Variants in SSH2 observed in about 807,000 individuals in gnomAD.
SSH2 encodes the protein protein phosphatase Slingshot homolog 2.
In SSH2, 37 loss-of-function variants were observed where a neutral mutation model predicts 135.2. The ratio of observed to expected loss-of-function variants is 0.27; its 90% CI spans 0.21 to 0.36. The LOEUF is 0.36. Ranked by LOEUF, SSH2 falls within the 10% of genes least tolerant of loss-of-function variation. SSH2 has a pLI of 1.00. For missense variants in SSH2, 1,408 were observed against 1,765.3 expected (o/e 0.80, Z 3.63); for synonymous variants, 628 against 646.2 (o/e 0.97, Z 0.43).
intron 2 of SSH2, among the ~76,000 whole-genome samples, chr17:29,845,736 T>C (rs988127807): frequency 4.0e-5 from 6 of 151,836 alleles, no homozygotes; most frequent in Non-Finnish European, 1.5e-5. Context: ...ATTGTTTTAT[T>C]TTCTGTAGAG....
intron 2 of SSH2, among the ~76,000 whole-genome samples, chr17:29,837,402 C>A (rs1252748821): frequency 6.6e-6 from 1 of 152,176 alleles, no homozygotes; most frequent in Non-Finnish European, 1.5e-5. Context: ...TAAAACACCC[C>A]AGTAATATCC....
At chr17:29,761,880 TATATATA>T in intron 3 of SSH2, among the ~76,000 whole-genome samples, 1 of 138,616 alleles carries the variant, frequency 7.2e-6, no homozygotes, top group Non-Finnish European at 1.6e-5. Context: ...TGTATATATA[TATATATA>T]TTTTTTTTTG....
At chr17:29,722,243 C>T (rs1030551658) in intron 3 of SSH2, among the ~76,000 whole-genome samples, 1 of 148,462 alleles carries the variant, frequency 6.7e-6, no homozygotes, top group African/African-American at 2.5e-5. Context: ...CACTGCACTC[C>T]AGCCTGGGCA....
intron 3 of SSH2, among the ~76,000 whole-genome samples, chr17:29,737,945 A>AT (rs1257403691): frequency 1.1e-5 from 1 of 91,490 alleles, no homozygotes; most frequent in East Asian, 2.7e-4. Flanking sequence ...ATTTATTTAT[A>AT]TTATACTTTA....
chr17:29,807,617 A>G (rs1396606727), intron 2 of SSH2, among the ~76,000 whole-genome samples: 1 of 152,210 alleles, frequency 6.6e-6, no homozygotes, highest in African/African-American at 2.4e-5. Flanking sequence ...ACAGGAATTC[A>G]GAAGAGAGAT....
At chr17:29,734,417 C>T (rs1353567229) in intron 3 of SSH2, among the ~76,000 whole-genome samples, 1 of 152,170 alleles carries the variant, frequency 6.6e-6, no homozygotes, top group Non-Finnish European at 1.5e-5. Context: ...CAGAAATCAG[C>T]CTTAGTAGCA....
At position 29,793,943 on chromosome 17, in the gene SSH2, T is replaced by C; in HGVS notation, c.145-6A>G. 6.2e-7 allele frequency: 1 copy of C among 1,609,092 alleles called. No homozygotes were observed. Reference sequence around the variant, plus strand: ...TCCTCCCCACTGTCTGCCTCCTGTATAGACAGAAAATGAAAAAAAAAATTA... The same window carrying C: ...TCCTCCCCACTGTCTGCCTCCTGTACAGACAGAAAATGAAAAAAAAAATTA... On this transcript the variant is annotated splice_polypyrimidine_tract_variant and splice_region_variant and intron_variant, in intron 2 of 15. Coordinates refer to ENST00000540801, the MANE Select transcript of SSH2 (RefSeq NM_001282129.2).
At chr17:29,734,170 C>T (rs2040292152) in intron 3 of SSH2, among the ~76,000 whole-genome samples, 1 of 152,110 alleles carries the variant, frequency 6.6e-6, no homozygotes, top group Admixed American at 6.5e-5. Flanking sequence ...ATTCACCCAC[C>T]TCGGCCTCCC....
intron 3 of SSH2, among the ~76,000 whole-genome samples, chr17:29,715,175 G>T (rs192403250): frequency 3.2e-4 from 48 of 150,410 alleles, no homozygotes; most frequent in East Asian, 6.0e-4. Flanking sequence ...TGATTCCTCG[G>T]TTTTTTCTAG....
intron 1 of SSH2, among the ~76,000 whole-genome samples, chr17:29,914,843 T>G (rs1418036331): frequency 6.6e-6 from 1 of 152,228 alleles, no homozygotes; most frequent in African/African-American, 2.4e-5. Flanking sequence ...AAGATGGTCA[T>G]GCCACTTTCA....
chr17:29,626,171 A>G lies in SSH2; in HGVS notation c.*4670T>C, dbSNP rs2035492484. ...GATTCCAGGGAGCACCTGCTTTAAT[A>G]AAACATGAGCATAAAAGTTTGGGGT... On this transcript the variant is annotated 3_prime_UTR_variant, in exon 16 of 16. Coordinates refer to ENST00000540801, the MANE Select transcript of SSH2 (RefSeq NM_001282129.2). The G allele has an allele frequency of 6.6e-6, 1 of 152,606 alleles. No homozygotes were observed. Among genetic ancestry groups the G allele is most frequent in the Non-Finnish European group, 1.5e-5 (1 of 68,030 alleles). The allele number at this position is 152,606 out of a possible 1,614,324, so 9.5% of individuals were successfully genotyped here. A position where few individuals can be genotyped will look rare whatever the true frequency, so the allele number is the denominator to read the frequency against.
At chr17:29,825,304 G>T (rs2042724939) in intron 2 of SSH2, among the ~76,000 whole-genome samples, 1 of 152,162 alleles carries the variant, frequency 6.6e-6, no homozygotes, top group Non-Finnish European at 1.5e-5. Flanking sequence ...AGTATGTTCT[G>T]CCCATGAGAA....
rs1191292630 is a variant in SSH2, at chr17:29,671,948, G to T, written c.796C>A (p.Leu266Ile). The T allele has an allele frequency of 6.2e-7, 1 of 1,613,560 alleles. No homozygotes were observed. Among genetic ancestry groups the T allele is most frequent in the East Asian group, 2.2e-5 (1 of 44,886 alleles). ...AAACTGACTTACATGTCGGTGAAGA[G>T]AGCTGGAGAGTCGGGCCGGTGGGAC... is the stretch of plus-strand genomic sequence containing the variant. The part of the protein sequence containing the change: ...VQSHRPDSPA[L>I]FTDIPTERER... Residue 266 changes from leucine (L) to isoleucine (I), a missense_variant, in exon 9 of 16, where the codon CTC becomes ATC. Physicochemically the swap from Leu to Ile is conservative, Grantham distance 5. Coordinates refer to ENST00000540801, the MANE Select transcript of SSH2 (RefSeq NM_001282129.2).
chr17:29,632,244 G>A lies in SSH2; in HGVS notation c.2950C>T (p.Pro984Ser), dbSNP rs201785050. The change falls in exon 16 of 16, where the codon CCC (proline) becomes TCC (serine). Residue 984 changes from proline (P) to serine (S), a missense_variant. Physicochemically the swap from Pro to Ser is moderately conservative, Grantham distance 74. Around this residue, in one of 3 missense-constraint regions of SSH2, gnomAD observed 1,080 missense variants for 1,144.5 expected, o/e 0.94. Transcript: ENST00000540801. ...AAGTGGTCAAACTCCAGCACCCTGGGAGCTGGAACAGTGGCATTCTGCTCA... is the reference window on the plus strand; with the variant it reads ...AAGTGGTCAAACTCCAGCACCCTGGAAGCTGGAACAGTGGCATTCTGCTCA... Reference protein sequence around the residue: ...HSEQNATVPAPRVLEFDHLPD... With the variant: ...HSEQNATVPASRVLEFDHLPD... The A allele has an allele frequency of 3.1e-6, 5 of 1,613,966 alleles. No individual in the cohort carries two copies. In the African/African-American group the frequency reaches 4.0e-5, roughly 13 times the overall value.
At chr17:29,662,947 G>A (rs1244211523) in intron 11 of SSH2, among the ~76,000 whole-genome samples, 1 of 152,148 alleles carries the variant, frequency 6.6e-6, no homozygotes, top group Non-Finnish European at 1.5e-5. Flanking sequence ...TTCTGCAAAG[G>A]GTCTCTATCA....
intron 3 of SSH2, among the ~76,000 whole-genome samples, chr17:29,760,312 G>A (rs2041249785): frequency 6.6e-6 from 1 of 152,152 alleles, no homozygotes; most frequent in Non-Finnish European, 1.5e-5. Context: ...CTCCTCTGAA[G>A]CCACTTGGAA....
chr17:29,646,593 G>A (rs961261523), intron 14 of SSH2, among the ~76,000 whole-genome samples: 1 of 152,034 alleles, frequency 6.6e-6, no homozygotes, highest in African/African-American at 2.4e-5. Context: ...TCCGTCTCCC[G>A]GGTTCAAGCG....
intron 11 of SSH2, among the ~76,000 whole-genome samples, chr17:29,661,025 C>T (rs2037010088): frequency 7.0e-6 from 1 of 143,386 alleles, no homozygotes; most frequent in African/African-American, 2.7e-5. Context: ...AGCACCATTG[C>T]ACTCCAGCCT....
At chr17:29,718,978 G>A (rs2039724016) in intron 3 of SSH2, among the ~76,000 whole-genome samples, 1 of 152,106 alleles carries the variant, frequency 6.6e-6, no homozygotes, top group Non-Finnish European at 1.5e-5. Flanking sequence ...TAATTTTGGA[G>A]GGCACACATC....
Sources: allele counts gnomAD v4.1 joint callset (sites outside exome capture counted in the v4.1 genomes callset), GRCh38; gene constraint gnomAD v4.1.1; regional missense constraint gnomAD v4.1.1; transcripts MANE v1.5; gene names NCBI Gene and HGNC (gene_info 2026-07-23, HGNC 2026-07-21).